The following PPCDC variants were observed in gnomAD, a reference collection of about 807,000 sequenced individuals.
PPCDC encodes phosphopantothenoylcysteine decarboxylase.
In PPCDC, 20 loss-of-function variants were observed where a neutral mutation model predicts 20.7. That is an observed-to-expected ratio of 0.97 (90% CI 0.68 to 1.41). The LOEUF (loss-of-function observed/expected upper bound fraction) is 1.41, where lower values mean the gene tolerates loss of function less well. Ranked by LOEUF, PPCDC falls within the 40% of genes most tolerant of loss-of-function variation. PPCDC has a pLI of 0.00. For missense variants in PPCDC, 246 were observed against 263.8 expected (o/e 0.93, Z 0.47); for synonymous variants, 88 against 100.3 (o/e 0.88, Z 0.73).
intron 2 of PPCDC, among the ~76,000 whole-genome samples, chr15:75,038,987 G>A (rs1355376783): frequency 6.6e-6 from 1 of 151,946 alleles, no homozygotes; most frequent in African/African-American, 2.4e-5. Flanking sequence ...ATTTTAAAAA[G>A]TGTTATGTTC....
intron 2 of PPCDC, among the ~76,000 whole-genome samples, chr15:75,040,708 G>A (rs995524003): frequency 1.3e-5 from 2 of 152,078 alleles, no homozygotes; most frequent in African/African-American, 4.8e-5. Context: ...CACCCAGGCT[G>A]GAGTGCAGTA....
chr15:75,035,792 C>T (rs2066077431), intron 2 of PPCDC, among the ~76,000 whole-genome samples: 3 of 152,050 alleles, frequency 2.0e-5, no homozygotes, highest in South Asian at 4.1e-4. Flanking sequence ...CATGGTGAAA[C>T]ACTCTTTCTA....
chr15:75,039,983 C>T lies in PPCDC; in HGVS notation c.136-3458C>T, dbSNP rs1421815681. 2.6e-5 allele frequency among the ~76,000 whole-genome samples: 4 copies of T among 152,214 alleles called. No individual in the cohort carries two copies. In the South Asian group the frequency reaches 8.3e-4, roughly 32 times the overall value. On this transcript the variant is annotated intron_variant, in intron 2 of 5. Transcript: ENST00000342932. ...ATTTTTAGTAGAGATGGGGTTTCTC[C>T]TTGTTGGTCAGGCTGATCTCGACCT...
At chr15:75,032,137 G>C (rs1352949046) in intron 2 of PPCDC, among the ~76,000 whole-genome samples, 2 of 152,190 alleles carry the variant, frequency 1.3e-5, no homozygotes, top group Non-Finnish European at 2.9e-5. Flanking sequence ...TTATGGGGTG[G>C]CATTTCCTGA....
intron 2 of PPCDC, among the ~76,000 whole-genome samples, chr15:75,035,794 C>T (rs985604948): frequency 6.6e-6 from 1 of 152,088 alleles, no homozygotes; most frequent in Non-Finnish European, 1.5e-5. Flanking sequence ...TGGTGAAACA[C>T]TCTTTCTACT....
intron 2 of PPCDC, among the ~76,000 whole-genome samples, chr15:75,041,164 T>C (rs12910659): frequency 0.014 from 2,208 of 152,322 alleles, 32 homozygotes; most frequent in Middle Eastern, 0.034. Flanking sequence ...GCCTTCAGCA[T>C]GGCCCCGCCC....
At chr15:75,032,221 C>T (rs2066029876) in intron 2 of PPCDC, among the ~76,000 whole-genome samples, 1 of 152,150 alleles carries the variant, frequency 6.6e-6, no homozygotes, top group Admixed American at 6.6e-5. Flanking sequence ...GGGCAGGTGT[C>T]AGCAGAATTC....
At chr15:75,038,188 C>A (rs1004573296) in intron 2 of PPCDC, among the ~76,000 whole-genome samples, 2 of 152,188 alleles carry the variant, frequency 1.3e-5, no homozygotes, top group Admixed American at 6.5e-5. Flanking sequence ...ATGTTATAGC[C>A]AGTGAAAGAT....
At chr15:75,033,466 A>G (rs2066048621) in intron 2 of PPCDC, among the ~76,000 whole-genome samples, 1 of 151,958 alleles carries the variant, frequency 6.6e-6, no homozygotes, top group African/African-American at 2.4e-5. Context: ...TTTTTGTATC[A>G]TTCTGTTCAG....
intron 2 of PPCDC, among the ~76,000 whole-genome samples, chr15:75,040,620 A>G (rs2066141064): frequency 6.6e-6 from 1 of 152,092 alleles, no homozygotes; most frequent in South Asian, 2.1e-4. Context: ...GGATTTACCT[A>G]TGCTGTCTTA....
chr15:75,038,314 G>A (rs2066110242), intron 2 of PPCDC, among the ~76,000 whole-genome samples: 1 of 152,102 alleles, frequency 6.6e-6, no homozygotes, highest in African/African-American at 2.4e-5. Context: ...TTCATAATTT[G>A]GATTAGTGTC....
rs568071356 is a variant in PPCDC at position 75,050,660 on chromosome 15, C to G, written c.*1425C>G. On this transcript the variant is annotated 3_prime_UTR_variant, in exon 6 of 6. Coordinates refer to ENST00000342932, the MANE Select transcript of PPCDC (RefSeq NM_021823.5). ...CAGCCTTTATCTCAACAGCACTTGA[C>G]TTCACCAGGTGACCCTTTGGGATAA... 1.3e-5 allele frequency: 2 copies of G among 152,378 alleles called. No individual in the cohort carries two copies. The highest frequency in any genetic ancestry group is 4.8e-5 in the African/African-American group (2 of 41,570). 9.4% of individuals were successfully genotyped at this position (152,378 alleles called of 1,614,324 possible). A position where few individuals can be genotyped will look rare whatever the true frequency, so the allele number is the denominator to read the frequency against.
At chr15:75,045,788 G>T (rs1266647905) in intron 4 of PPCDC, among the ~76,000 whole-genome samples, 1 of 152,086 alleles carries the variant, frequency 6.6e-6, no homozygotes, top group Non-Finnish European at 1.5e-5. Flanking sequence ...GGAGGCTGAG[G>T]TGGGAGGGTC....
intron 2 of PPCDC, among the ~76,000 whole-genome samples, chr15:75,037,496 C>T (rs1011137751): frequency 5.3e-5 from 8 of 152,190 alleles, no homozygotes; most frequent in African/African-American, 1.7e-4. Flanking sequence ...CCTGTAATCC[C>T]AGCACTTTGG....
At chr15:75,049,054 T>C in intron 5 of PPCDC, 96 bp from the exon 6 acceptor site, 1 of 1,207,796 alleles carries the variant, frequency 8.3e-7, no homozygotes, top group South Asian at 1.3e-5. Flanking sequence ...CTCTCAGGCC[T>C]TGGGCTCTGG....
At chr15:75,042,212 T>C (rs769628132) in intron 2 of PPCDC, among the ~76,000 whole-genome samples, 1 of 152,258 alleles carries the variant, frequency 6.6e-6, no homozygotes, top group Non-Finnish European at 1.5e-5. Context: ...CCTTGACTTT[T>C]CTTTCTTCTG....
chr15:75,044,857 C>T, intron 4 of PPCDC: 1 of 274,756 alleles, frequency 3.6e-6, no homozygotes, highest in Middle Eastern at 1.3e-3. Flanking sequence ...CTGTCTCTGC[C>T]CAGCCCCATC....
chr15:75,032,669 G>A (rs535388544), intron 2 of PPCDC, among the ~76,000 whole-genome samples: 8 of 149,182 alleles, frequency 5.4e-5, no homozygotes, highest in African/African-American at 2.0e-4. Context: ...GTGCTGAAGG[G>A]AGCAATCATC....
Position 75,037,734 on chromosome 15 carries a change from CTGT to C in PPCDC, c.136-5687_136-5685del, listed in dbSNP as rs201744803. Among the ~76,000 whole-genome samples the C allele has an allele frequency of 3.0e-3, 462 of 152,100 alleles. 2 individuals are homozygous for C. The highest frequency in any genetic ancestry group is 9.9e-3 in the African/African-American group (410 of 41,502). On this transcript the variant is annotated intron_variant, in intron 2 of 5. Coordinates refer to ENST00000342932, the MANE Select transcript of PPCDC (RefSeq NM_021823.5). ...CCAGCCTAGATGACAAAGTGAGACT[CTGT>C]TGTTGTTGTTGTTGTTGTTTTTAAC...
Sources: gnomAD v4.1 joint callset for allele counts (sites outside exome capture counted in the v4.1 genomes callset) on GRCh38, gnomAD v4.1.1 for gene constraint, MANE v1.5 for transcripts, NCBI Gene and HGNC (gene_info 2026-07-23, HGNC 2026-07-21) for gene names.